Variants in SP100 observed in about 807,000 individuals in gnomAD.
SP100 encodes nuclear autoantigen Sp-100.
SP100 carries 84 observed loss-of-function variants against 130.0 expected under a neutral mutation model. That is an observed-to-expected ratio of 0.65 (90% CI 0.54 to 0.77). SP100 has a LOEUF of 0.77. SP100 is among the 30% of genes least tolerant of loss of function. SP100 has a pLI of 0.00. For missense variants in SP100, 978 were observed against 1,052.2 expected (o/e 0.93, Z 0.97); for synonymous variants, 331 against 351.7 (o/e 0.94, Z 0.66).
At chr2:230,445,316 T>A (rs941740857) in intron 4 of SP100, among the ~76,000 whole-genome samples, 3 of 152,220 alleles carry the variant, frequency 2.0e-5, no homozygotes, top group Non-Finnish European at 4.4e-5. Context: ...AATGGGCACA[T>A]GCTCTGAAGA....
intron 24 of SP100, among the ~76,000 whole-genome samples, chr2:230,517,876 G>T (rs2150092738): frequency 6.6e-6 from 1 of 152,050 alleles, no homozygotes; most frequent in South Asian, 2.1e-4. Flanking sequence ...TTCTAACATA[G>T]GGGACCAAAT....
At chr2:230,526,072 T>C (rs1691411596) in intron 24 of SP100, among the ~76,000 whole-genome samples, 1 of 152,140 alleles carries the variant, frequency 6.6e-6, no homozygotes, top group African/African-American at 2.4e-5. Flanking sequence ...AGCAAGGCAT[T>C]TGAAGCCTGA....
At chr2:230,435,398 A>G (rs1332239259) in intron 2 of SP100, among the ~76,000 whole-genome samples, 1 of 152,176 alleles carries the variant, frequency 6.6e-6, no homozygotes, top group Non-Finnish European at 1.5e-5. Context: ...ATATATATTG[A>G]AAATGCTTTT....
At chr2:230,517,725 A>G (rs553843149) in intron 24 of SP100, among the ~76,000 whole-genome samples, 3 of 151,528 alleles carry the variant, frequency 2.0e-5, no homozygotes, top group African/African-American at 7.3e-5. Flanking sequence ...AGATTGCACC[A>G]CTGTACTCTA....
intron 4 of SP100, among the ~76,000 whole-genome samples, chr2:230,445,915 C>G (rs1253303731): frequency 6.6e-6 from 1 of 152,088 alleles, no homozygotes; most frequent in African/African-American, 2.4e-5. Flanking sequence ...ACCCACCGCC[C>G]CACCCAGCAC....
chr2:230,473,822 A>C (rs1188569332), intron 16 of SP100, among the ~76,000 whole-genome samples: 1 of 152,042 alleles, frequency 6.6e-6, no homozygotes. Context: ...GTAGTATCTC[A>C]CTATATTAGC....
chr2:230,519,635 A>C (rs569995450), intron 24 of SP100, among the ~76,000 whole-genome samples: 1 of 152,138 alleles, frequency 6.6e-6, no homozygotes, highest in Non-Finnish European at 1.5e-5. Flanking sequence ...AAAGGGAGAA[A>C]GCTTCTGAAG....
chr2:230,436,812 C>A (rs937150548), intron 2 of SP100, among the ~76,000 whole-genome samples: 19 of 148,374 alleles, frequency 1.3e-4, no homozygotes, highest in African/African-American at 4.8e-4. Context: ...ATTTTATTTT[C>A]ATGTCCTATT....
chr2:230,430,930 A>G (rs1191718945), intron 2 of SP100, among the ~76,000 whole-genome samples: 1 of 152,226 alleles, frequency 6.6e-6, no homozygotes, highest in Non-Finnish European at 1.5e-5. Context: ...GGGCAAAGAC[A>G]TATGCTAGGA....
intron 9 of SP100, 97 bp from the exon 10 acceptor site, chr2:230,462,337 TC>T (rs2064700595): frequency 1.1e-6 from 1 of 877,008 alleles, no homozygotes; most frequent in Non-Finnish European, 1.9e-6. Flanking sequence ...TAACTTAGCT[TC>T]CTGGGTCTTC....
At chr2:230,441,202 T>G (rs995146821) in intron 2 of SP100, among the ~76,000 whole-genome samples, 1 of 152,128 alleles carries the variant, frequency 6.6e-6, no homozygotes, top group Admixed American at 6.5e-5. Context: ...AATTAACACA[T>G]GAAAATGTGC....
At position 230,418,410 on chromosome 2, in the gene SP100, C is replaced by A. The variant is rs147412610; in HGVS notation, c.107+745C>A. 6.2e-3 allele frequency among the ~76,000 whole-genome samples: 947 copies of A among 152,172 alleles called. 6 individuals carry two copies. The highest frequency in any genetic ancestry group is 0.021 in the African/African-American group (864 of 41,512). On this transcript the variant is annotated intron_variant, in intron 2 of 28. Transcript: ENST00000340126. ...ACAGTCTTGCTTTATTTAGGTTTGCCTGTGCTGTTAAGAACTTTGGGATAT... is the reference window on the plus strand; with the variant it reads ...ACAGTCTTGCTTTATTTAGGTTTGCATGTGCTGTTAAGAACTTTGGGATAT...
At chr2:230,515,787 C>T (rs1575791985) in intron 24 of SP100, 1 of 1,475,872 alleles carries the variant, frequency 6.8e-7, no homozygotes, top group East Asian at 2.3e-5. Context: ...TATAGTTAAC[C>T]ACTACCGAAT....
At chr2:230,534,888 ATTCT>A (rs1691858876) in intron 24 of SP100, among the ~76,000 whole-genome samples, 1 of 152,056 alleles carries the variant, frequency 6.6e-6, no homozygotes, top group Non-Finnish European at 1.5e-5. Flanking sequence ...TTTTGCATTG[ATTCT>A]TCTCAAAAAG....
intron 24 of SP100, among the ~76,000 whole-genome samples, chr2:230,511,810 A>G (rs1297217532): frequency 2.0e-5 from 3 of 152,202 alleles, no homozygotes; most frequent in Non-Finnish European, 2.9e-5. Flanking sequence ...CTGGTGCTCA[A>G]TGATGTACAA....
At position 230,535,204 on chromosome 2, in the gene SP100, A is replaced by G. The variant is rs573363723; in HGVS notation, c.2095-4063A>G. ...GAGTGAGACTCCATCTCAAAAAAAA[A>G]AAAGTATCTTATAATCAGCTACAGT... On this transcript the variant is annotated intron_variant, in intron 24 of 28. Transcript: ENST00000340126. Among the ~76,000 whole-genome samples, 325 of 151,996 alleles carry G rather than the reference A, an allele frequency of 2.1e-3. 2 individuals are homozygous for G. The highest frequency in any genetic ancestry group is 3.1e-3 in the Non-Finnish European group (213 of 67,938).
intron 24 of SP100, among the ~76,000 whole-genome samples, chr2:230,520,314 G>A (rs950332801): frequency 6.6e-6 from 1 of 152,164 alleles, no homozygotes; most frequent in African/African-American, 2.4e-5. Flanking sequence ...CTTAACTTCA[G>A]AGCAAGACTG....
At position 230,449,537 on chromosome 2, in the gene SP100, C is replaced by T. The variant is rs889557020; in HGVS notation, c.587-24C>T. ...CAGGCAGCAGAGGGCAAATAAAATACCTGTGAATCAAACCATGGTTTAGGT... is the reference window on the plus strand; with the variant it reads ...CAGGCAGCAGAGGGCAAATAAAATATCTGTGAATCAAACCATGGTTTAGGT... On this transcript the variant is annotated intron_variant, in intron 6 of 28. Coordinates refer to ENST00000340126, the MANE Select transcript of SP100 (RefSeq NM_001080391.2). The T allele has an allele frequency of 7.4e-6, 12 of 1,613,356 alleles. No individual in the cohort carries two copies. The African/African-American group carries it at 1.6e-4, about 22-fold the overall frequency.
intron 25 of SP100, among the ~76,000 whole-genome samples, chr2:230,539,766 T>C (rs1692092881): frequency 6.6e-6 from 1 of 152,190 alleles, no homozygotes; most frequent in South Asian, 2.1e-4. Flanking sequence ...TGCAGCAGTC[T>C]ATCAAGCCAA....
Sources: gnomAD v4.1 joint callset for allele counts (sites outside exome capture counted in the v4.1 genomes callset) on GRCh38, gnomAD v4.1.1 for gene constraint, MANE v1.5 for transcripts, NCBI Gene and HGNC (gene_info 2026-07-23, HGNC 2026-07-21) for gene names.